Variants in AFAP1L1 observed in about 807,000 individuals in gnomAD.
The protein encoded by AFAP1L1 is actin filament-associated protein 1-like 1.
Under a neutral mutation model 99.8 loss-of-function variants are expected in AFAP1L1, and 77 were observed. The observed-to-expected ratio is 0.77, with a 90% CI of 0.64 to 0.93. The LOEUF (loss-of-function observed/expected upper bound fraction) is 0.93, where lower values mean the gene tolerates loss of function less well. Among genes scored for constraint, AFAP1L1 ranks in the 40% least tolerant of loss-of-function variants. AFAP1L1 has a pLI of 0.00. For missense variants in AFAP1L1, 893 were observed against 996.8 expected (o/e 0.90, Z 1.40); for synonymous variants, 373 against 395.3 (o/e 0.94, Z 0.67).
intron 14 of AFAP1L1, 67 bp from the exon 15 acceptor site, chr5:149,322,539 C>A: frequency 8.5e-7 from 1 of 1,177,312 alleles, no homozygotes; most frequent in South Asian, 1.4e-5. Context: ...GCAAAGACCG[C>A]AATACACCCT....
At position 149,326,561 on chromosome 5, in the gene AFAP1L1, A is replaced by G. The variant is rs1221179056; in HGVS notation, c.1811-3105A>G. 9.5e-3 allele frequency among the ~76,000 whole-genome samples: 1,307 copies of G among 138,188 alleles called. 25 individuals are homozygous for G. The highest frequency in any genetic ancestry group is 0.032 in the African/African-American group (1,226 of 38,794). 90.7% of individuals were successfully genotyped at this position (138,188 alleles called of 152,430 possible). On this transcript the variant is annotated intron_variant, in intron 15 of 18. Coordinates refer to ENST00000296721, the MANE Select transcript of AFAP1L1 (RefSeq NM_152406.4). Reference sequence around the variant, plus strand: ...CGCCAAAAATAAAAAAAAAAAAAAAAAGAAAGAAAAATATATATATATTTA... The same window carrying G: ...CGCCAAAAATAAAAAAAAAAAAAAAGAGAAAGAAAAATATATATATATTTA...
chr5:149,273,267 C>A (rs1755194133), intron 1 of AFAP1L1, among the ~76,000 whole-genome samples: 1 of 151,230 alleles, frequency 6.6e-6, no homozygotes. Flanking sequence ...CCCCTCCCCA[C>A]GATAATCTCA....
intron 4 of AFAP1L1, among the ~76,000 whole-genome samples, 178 bp from the exon 5 acceptor site, chr5:149,302,240 G>T (rs1007305247): frequency 6.6e-5 from 10 of 152,128 alleles, no homozygotes; most frequent in African/African-American, 2.2e-4. Context: ...AAAAAATTGG[G>T]GTAAGAATCA....
chr5:149,271,895 G>A lies in AFAP1L1; in HGVS notation c.-74G>A. 8.7e-7 allele frequency: 1 copy of A among 1,143,970 alleles called. No individual in the cohort carries two copies. The highest frequency in any genetic ancestry group is 1.6e-5 in the African/African-American group (1 of 61,912). 70.9% of individuals were successfully genotyped at this position (1,143,970 alleles called of 1,614,324 possible). A position where few individuals can be genotyped will look rare whatever the true frequency, so the allele number is the denominator to read the frequency against. On this transcript the variant is annotated 5_prime_UTR_variant, in exon 1 of 19. Coordinates refer to ENST00000296721, the MANE Select transcript of AFAP1L1 (RefSeq NM_152406.4). ...GCCGCTGGGCTGGCCTGAGAGCGCAGCGCGCCGGCCGCTACCAGCCGCGCC... is the reference window on the plus strand; with the variant it reads ...GCCGCTGGGCTGGCCTGAGAGCGCAACGCGCCGGCCGCTACCAGCCGCGCC...
rs1757521955 is a variant in AFAP1L1 at position 149,340,134 on chromosome 5, C to G, written c.*104C>G. On this transcript the variant is annotated 3_prime_UTR_variant, in exon 19 of 19. Coordinates refer to ENST00000296721, the MANE Select transcript of AFAP1L1 (RefSeq NM_152406.4). ...ACCAAGAGAAGACTAGGAAGTAGCC[C>G]TCGTTCTCCAGGGCACCCAAAATAC... 1.4e-6 allele frequency: 2 copies of G among 1,421,646 alleles called. No homozygotes were observed. The highest frequency in any genetic ancestry group is 2.9e-5 in the African/African-American group (2 of 69,754). 88.1% of individuals were successfully genotyped at this position (1,421,646 alleles called of 1,614,324 possible).
rs1581323326 is a variant in AFAP1L1 at position 149,311,964 on chromosome 5, C to T, written c.928-148C>T. The T allele has an allele frequency of 5.8e-6, 4 of 685,518 alleles. No homozygotes were observed. In the East Asian group the frequency reaches 7.9e-5, roughly 14 times the overall value. 42.5% of individuals were successfully genotyped at this position (685,518 alleles called of 1,614,324 possible). A position where few individuals can be genotyped will look rare whatever the true frequency, so the allele number is the denominator to read the frequency against. ...AGCCTTTACAAACCCATGTGCCCCA[C>T]ACATATGCAGGTAGCTGTGTCAGTC... On this transcript the variant is annotated intron_variant, in intron 8 of 18. Coordinates refer to ENST00000296721, the MANE Select transcript of AFAP1L1 (RefSeq NM_152406.4).
In AFAP1L1 at chr5:149,341,038, C is replaced by A. The variant is rs561864611; in HGVS notation, c.*1008C>A. On this transcript the variant is annotated 3_prime_UTR_variant, in exon 19 of 19. Transcript: ENST00000296721. ...AACACTTGATACTTCTATAGAGGGA[C>A]CAAGGACCTCAAGTCCTGGGCAGTC... The A allele has an allele frequency of 6.6e-6, 1 of 152,302 alleles. No homozygotes were observed. The highest frequency in any genetic ancestry group is 1.9e-4 in the East Asian group (1 of 5,188). The allele number at this position is 152,302 out of a possible 1,614,324, so 9.4% of individuals were successfully genotyped here. A position where few individuals can be genotyped will look rare whatever the true frequency, so the allele number is the denominator to read the frequency against.
chr5:149,272,198 A>T (rs528732568), intron 1 of AFAP1L1, among the ~76,000 whole-genome samples: 2 of 152,118 alleles, frequency 1.3e-5, no homozygotes, highest in African/African-American at 4.8e-5. Context: ...CCTGGGGCCA[A>T]CTCGCCTCTC....
chr5:149,335,764 A>G, intron 18 of AFAP1L1, 42 bp downstream of exon 18: 3 of 1,599,952 alleles, frequency 1.9e-6, no homozygotes, highest in Non-Finnish European at 2.6e-6. Flanking sequence ...GAGATCTGGT[A>G]GCCCCCTTTC....
intron 10 of AFAP1L1, 81 bp downstream of exon 10, chr5:149,315,995 G>T: frequency 6.3e-7 from 1 of 1,593,960 alleles, no homozygotes; most frequent in Non-Finnish European, 8.6e-7. Flanking sequence ...GGCAGAGCAG[G>T]TTCTGACCAT....
chr5:149,316,329 G>A, intron 11 of AFAP1L1, 26 bp downstream of exon 11: 5 of 1,607,534 alleles, frequency 3.1e-6, no homozygotes, highest in Non-Finnish European at 4.3e-6. Flanking sequence ...GGGGAGGAAG[G>A]GTGCTCAGGT....
At chr5:149,312,476 G>A in intron 9 of AFAP1L1, 3 of 496,586 alleles carry the variant, frequency 6.0e-6, no homozygotes, top group Middle Eastern at 5.7e-4. Flanking sequence ...CATTGCAATT[G>A]TGCCATGAAA....
At position 149,319,647 on chromosome 5, in the gene AFAP1L1, C is replaced by T. The variant is rs1467927509; in HGVS notation, c.1545C>T (p.Val515=). The change falls in exon 13 of 19, where the codon GTC becomes GTT. Residue 515 remains valine, a synonymous_variant. Transcript: ENST00000296721. The part of the protein sequence containing the change: ...GLLLVEMGSR[V]TPEALHYDYV... ...TGCTGGTGGAGATGGGCTCCAGAGT[C>T]ACTCCGGAGGCGCTGCACTATGACT... The T allele has an allele frequency of 6.2e-7, 1 of 1,613,058 alleles. No individual in the cohort carries two copies. Among genetic ancestry groups the T allele is most frequent in the Non-Finnish European group, 8.5e-7 (1 of 1,180,010 alleles).
chr5:149,333,313 G>C (rs1020654275), intron 17 of AFAP1L1, among the ~76,000 whole-genome samples: 4 of 152,208 alleles, frequency 2.6e-5, no homozygotes, highest in South Asian at 4.1e-4. Flanking sequence ...GATGTCGAAT[G>C]ACTTGCTCAA....
chr5:149,282,957 G>C (rs980724053), intron 1 of AFAP1L1, among the ~76,000 whole-genome samples: 1 of 152,152 alleles, frequency 6.6e-6, no homozygotes, highest in African/African-American at 2.4e-5. Context: ...TTAAGCAACA[G>C]AGCTGCTATG....
intron 3 of AFAP1L1, 142 bp from the exon 4 acceptor site, chr5:149,300,991 G>C (rs1756186071): frequency 1.6e-6 from 1 of 622,464 alleles, no homozygotes; most frequent in Non-Finnish European, 2.8e-6. Context: ...AGAGTCAAAA[G>C]TCATTTGTTT....
intron 9 of AFAP1L1, 153 bp downstream of exon 9, chr5:149,312,357 T>G (rs1024662923): frequency 1.3e-6 from 1 of 742,370 alleles, no homozygotes; most frequent in African/African-American, 1.7e-5. Context: ...AGGTGCTTAA[T>G]AAATGTCTCC....
At chr5:149,274,424 A>G (rs898787899) in intron 1 of AFAP1L1, among the ~76,000 whole-genome samples, 2 of 152,258 alleles carry the variant, frequency 1.3e-5, no homozygotes, top group African/African-American at 4.8e-5. Context: ...TTGGTGACTT[A>G]CAAAGGCCAT....
At chr5:149,322,538 G>A in intron 14 of AFAP1L1, 68 bp from the exon 15 acceptor site, 6 of 1,145,630 alleles carry the variant, frequency 5.2e-6, no homozygotes, top group Non-Finnish European at 6.2e-6. Flanking sequence ...AGCAAAGACC[G>A]CAATACACCC....
Sources: allele counts gnomAD v4.1 joint callset (sites outside exome capture counted in the v4.1 genomes callset), GRCh38; gene constraint gnomAD v4.1.1; transcripts MANE v1.5; gene names NCBI Gene and HGNC (gene_info 2026-07-23, HGNC 2026-07-21).